AUTS2: variants seen among roughly 807,000 people sequenced by gnomAD.
AUTS2 encodes the protein autism susceptibility gene 2 protein.
Under a neutral mutation model 112.4 loss-of-function variants are expected in AUTS2, and 17 were observed. The observed-to-expected ratio is 0.15, with a 90% CI of 0.10 to 0.23. AUTS2 has a LOEUF of 0.23. Among genes scored for constraint, AUTS2 ranks in the 10% least tolerant of loss-of-function variants. The pLI is 1.00. For synonymous variants in AUTS2, 751 were observed against 702.7 expected, an observed-to-expected ratio of 1.07 and a Z score of -1.09; for missense variants, 1,510 against 1,701.6, an observed-to-expected ratio of 0.89 and a Z score of 1.98.
In AUTS2 at chr7:70,790,928, A is replaced by C; in HGVS notation, c.3712A>C (p.Thr1238Pro). 1 of 1,557,584 alleles carries C rather than the reference A, an allele frequency of 6.4e-7. No individual in the cohort carries two copies. The highest frequency in any genetic ancestry group is 1.2e-5 in the South Asian group (1 of 80,780). The change falls in exon 19 of 19, where the codon ACT becomes CCT. Residue 1238 changes from threonine to proline, a missense_variant. Around this residue, in one of 3 missense-constraint regions of AUTS2, gnomAD observed 788 missense variants for 797.6 expected, o/e 0.99. Coordinates refer to ENST00000342771, the MANE Select transcript of AUTS2 (RefSeq NM_015570.4). The surrounding 1 kb of genome is among the most constrained non-coding windows in gnomAD (Gnocchi z 7.6). The part of the protein sequence containing the change: ...GGRPVSPRRT[T>P]PLSAEIRERP... ...CCGCCCGGTCTCTCCCAGAAGGACG[A>C]CTCCTCTGTCCGCAGAGATAAGGGA... is the stretch of plus-strand genomic sequence containing the variant.
At position 70,698,863 on chromosome 7, in the gene AUTS2, C is replaced by G. The variant is rs561997959; in HGVS notation, c.742+243C>G. On this transcript the variant is annotated intron_variant, in intron 6 of 18. Transcript: ENST00000342771. ...AAACTGATTTGACTAATCACTACTA[C>G]TATGTGACTTTAATATAGAAAGCTG... is the stretch of plus-strand genomic sequence containing the variant. The G allele has an allele frequency of 3.1e-4, 115 of 368,862 alleles. 1 individual carries two copies. Among genetic ancestry groups the G allele is most frequent in the African/African-American group, 2.1e-3 (102 of 48,124 alleles). 22.8% of individuals were successfully genotyped at this position (368,862 alleles called of 1,614,324 possible). A position where few individuals can be genotyped will look rare whatever the true frequency, so the allele number is the denominator to read the frequency against.
At chr7:70,314,469 T>G (rs1789905167) in intron 4 of AUTS2, among the ~76,000 whole-genome samples, 1 of 152,220 alleles carries the variant, frequency 6.6e-6, no homozygotes, top group African/African-American at 2.4e-5. Context: ...CAGATTGATG[T>G]GTGCATAGGT....
chr7:69,935,335 G>A (rs1796369835), intron 2 of AUTS2, among the ~76,000 whole-genome samples: 1 of 152,296 alleles, frequency 6.6e-6, no homozygotes, highest in South Asian at 2.1e-4. Context: ...GTGAACCTAG[G>A]TTTGGGCCTG....
At chr7:69,629,014 G>A (rs1794098198) in intron 1 of AUTS2, among the ~76,000 whole-genome samples, 1 of 152,184 alleles carries the variant, frequency 6.6e-6, no homozygotes. Flanking sequence ...AACCCTTTGA[G>A]AAAGGTCAGT....
Position 69,614,370 on chromosome 7 carries a change from T to TTCTTTCTTTTCTTTCTTTCTTTC in AUTS2, c.309+14409_309+14410insCTTTCTTTTCTTTCTTTCTTTCT, listed in dbSNP as rs1583942896. Among the ~76,000 whole-genome samples the TTCTTTCTTTTCTTTCTTTCTTTC allele has an allele frequency of 1.4e-4, 4 of 28,504 alleles. 1 individual carries two copies. The highest frequency in any genetic ancestry group is 3.7e-4 in the Non-Finnish European group (4 of 10,866). 18.7% of individuals were successfully genotyped at this position (28,504 alleles called of 152,430 possible). On this transcript the variant is annotated intron_variant, in intron 1 of 18. Transcript: ENST00000342771. ...TTTCTTTCTTTCTTTCTTTCTTTTT[T>TTCTTTCTTTTCTTTCTTTCTTTC]TAAGAGATGGGATCTCACTCTGTTT...
chr7:69,778,483 T>A (rs1788995772), intron 1 of AUTS2, among the ~76,000 whole-genome samples: 2 of 152,002 alleles, frequency 1.3e-5, no homozygotes, highest in Admixed American at 1.3e-4. Context: ...AGCATTTTTT[T>A]AAAGCTCCCC....
At chr7:70,180,359 A>T (rs1401856346) in intron 4 of AUTS2, among the ~76,000 whole-genome samples, 3 of 152,234 alleles carry the variant, frequency 2.0e-5, no homozygotes, top group Non-Finnish European at 4.4e-5. Context: ...TAAGAATTCA[A>T]GGTAGGGGAA....
At chr7:69,790,929 A>G (rs1329001364) in intron 1 of AUTS2, among the ~76,000 whole-genome samples, 1 of 152,224 alleles carries the variant, frequency 6.6e-6, no homozygotes, top group South Asian at 2.1e-4. Flanking sequence ...ATCCGCACTT[A>G]ACTGAAACTC....
chr7:69,632,766 G>A (rs1307662410), intron 1 of AUTS2, among the ~76,000 whole-genome samples: 2 of 151,968 alleles, frequency 1.3e-5, no homozygotes, highest in Admixed American at 6.5e-5. Context: ...GAATTTTATG[G>A]TAGAGCCACA....
chr7:69,944,999 T>A (rs1796754887), intron 2 of AUTS2, among the ~76,000 whole-genome samples: 1 of 152,196 alleles, frequency 6.6e-6, no homozygotes, highest in African/African-American at 2.4e-5. Flanking sequence ...GCTGAACTGC[T>A]TTTTACTGAA....
At chr7:70,679,385 A>G (rs1001907007) in intron 5 of AUTS2, among the ~76,000 whole-genome samples, 7 of 152,164 alleles carry the variant, frequency 4.6e-5, no homozygotes, top group African/African-American at 1.7e-4. Context: ...TCTTAGGGAG[A>G]TGCTCAGCCT....
At chr7:70,288,744 A>G (rs1438063716) in intron 4 of AUTS2, among the ~76,000 whole-genome samples, 1 of 152,200 alleles carries the variant, frequency 6.6e-6, no homozygotes, top group Non-Finnish European at 1.5e-5. Context: ...ACAATGAGAT[A>G]GAGAGGCCTG....
chr7:70,605,450 G>A (rs569339807), intron 5 of AUTS2, among the ~76,000 whole-genome samples: 3 of 149,888 alleles, frequency 2.0e-5, no homozygotes, highest in South Asian at 2.1e-4. Flanking sequence ...ATCAACTCAC[G>A]TTTACTACCA....
intron 2 of AUTS2, among the ~76,000 whole-genome samples, chr7:70,104,952 T>C (rs1181322922): frequency 3.9e-5 from 6 of 152,184 alleles, no homozygotes; most frequent in Non-Finnish European, 8.8e-5. Context: ...TTCGTGCATG[T>C]GGATTATTTT....
At chr7:69,731,571 C>G (rs975144294) in intron 1 of AUTS2, among the ~76,000 whole-genome samples, 1 of 152,142 alleles carries the variant, frequency 6.6e-6, no homozygotes, top group Non-Finnish European at 1.5e-5. Context: ...CATTTATGAC[C>G]TACAGAGCCC....
intron 5 of AUTS2, among the ~76,000 whole-genome samples, chr7:70,649,069 A>G (rs988582839): frequency 6.6e-6 from 1 of 152,174 alleles, no homozygotes; most frequent in Non-Finnish European, 1.5e-5. Context: ...TGTCAACCTC[A>G]GCTTACGGAA....
intron 6 of AUTS2, among the ~76,000 whole-genome samples, chr7:70,736,002 TAGG>T (rs748392543): frequency 6.6e-6 from 1 of 151,232 alleles, no homozygotes; most frequent in Admixed American, 6.6e-5. Context: ...AAAATCTACA[TAGG>T]AGGAGGAAGT....
chr7:70,082,412 A>G (rs1023105189), intron 2 of AUTS2, among the ~76,000 whole-genome samples: 1 of 152,192 alleles, frequency 6.6e-6, no homozygotes, highest in African/African-American at 2.4e-5. Context: ...TAGAGGAAAG[A>G]GGGGAGGTTT....
intron 4 of AUTS2, among the ~76,000 whole-genome samples, chr7:70,237,642 T>C (rs1365206874): frequency 6.6e-6 from 1 of 152,234 alleles, no homozygotes; most frequent in Non-Finnish European, 1.5e-5. Context: ...AATTTGTTGA[T>C]TGCTTTTTCT....
Sources: gnomAD v4.1 joint callset for allele counts (sites outside exome capture counted in the v4.1 genomes callset) on GRCh38, gnomAD v4.1.1 for gene constraint, gnomAD v4.1.1 regional missense constraint, Gnocchi (gnomAD v3.1) non-coding constraint, MANE v1.5 for transcripts, NCBI Gene and HGNC (gene_info 2026-07-23, HGNC 2026-07-21) for gene names.